Variants in RUNX1T1 observed in about 807,000 individuals in gnomAD.
RUNX1T1 encodes the protein protein CBFA2T1.
Under a neutral mutation model 62.8 loss-of-function variants are expected in RUNX1T1, and 4 were observed. The ratio of observed to expected loss-of-function variants is 0.06; its 90% CI spans 0.03 to 0.15. The LOEUF (loss-of-function observed/expected upper bound fraction) is 0.15, where lower values mean the gene tolerates loss of function less well. Ranked by LOEUF, RUNX1T1 falls within the 10% of genes least tolerant of loss-of-function variation. The pLI, the probability that RUNX1T1 is intolerant of heterozygous loss-of-function variation, is 1.00. For missense variants in RUNX1T1, 508 were observed against 754.3 expected, an observed-to-expected ratio of 0.67 and a Z score of 3.82; for synonymous variants, 291 against 286.0, an observed-to-expected ratio of 1.02 and a Z score of -0.18.
Position 92,058,111 on chromosome 8 carries a change from T to C in RUNX1T1, c.7+4435A>G, listed in dbSNP as rs577405812. Reference sequence around the variant, plus strand: ...GTATCTACCCCTCTGGGCTCCTGCATGATCTACTATGTTCAGGCCCTGTTT... The same window carrying C: ...GTATCTACCCCTCTGGGCTCCTGCACGATCTACTATGTTCAGGCCCTGTTT... On this transcript the variant is annotated intron_variant, in intron 1 of 10. Coordinates refer to ENST00000396218, the Ensembl canonical transcript of RUNX1T1. Among the ~76,000 whole-genome samples, 8 of 152,270 alleles carry C rather than the reference T, an allele frequency of 5.3e-5. No homozygotes were observed. The East Asian group carries it at 7.7e-4, about 15-fold the overall frequency.
At chr8:92,079,230 T>C (rs1834874494) in intron 1 of RUNX1T1, among the ~76,000 whole-genome samples, 1 of 152,234 alleles carries the variant, frequency 6.6e-6, no homozygotes, top group South Asian at 2.1e-4. Context: ...TCTTTTCTTT[T>C]CCTTCATAGA....
At chr8:92,102,451 A>G (rs1838083051), upstream of RUNX1T1, among the ~76,000 whole-genome samples, 1 of 152,020 alleles carries the variant, frequency 6.6e-6, no homozygotes, top group South Asian at 2.1e-4. The surrounding 1 kb of genome is among the most constrained non-coding windows in gnomAD (Gnocchi z 4.5). Context: ...AGGAAAAGAA[A>G]AAAACCCACG....
Position 91,986,333 on chromosome 8 carries a change from G to C in RUNX1T1, c.997-8C>G. On this transcript the variant is annotated splice_region_variant and splice_polypyrimidine_tract_variant and intron_variant, in intron 7 of 10. Coordinates refer to ENST00000396218, the Ensembl canonical transcript of RUNX1T1. ...CATTATGCAGTTTAACAGCTATTTG[G>C]GAAAGGGGAGAATAGGGAAGAGCAT... is the stretch of plus-strand genomic sequence containing the variant. 6.3e-7 allele frequency: 1 copy of C among 1,598,780 alleles called. No homozygotes were observed. Among genetic ancestry groups the C allele is most frequent in the Non-Finnish European group, 8.6e-7 (1 of 1,166,214 alleles).
chr8:92,050,086 GA>G (rs982985347), intron 1 of RUNX1T1, among the ~76,000 whole-genome samples: 2 of 149,150 alleles, frequency 1.3e-5, no homozygotes, highest in African/African-American at 4.9e-5. Flanking sequence ...ATGTCTTGAG[GA>G]AAAAAAAAGA....
At chr8:91,994,555 G>A (rs1351535125) in intron 5 of RUNX1T1, 11 of 493,080 alleles carry the variant, frequency 2.2e-5, no homozygotes, top group Non-Finnish European at 3.6e-5. Context: ...ATCTAGTCCT[G>A]GCTCTTCCAT....
At chr8:92,054,449 TTA>T (rs1383741072) in intron 1 of RUNX1T1, among the ~76,000 whole-genome samples, 1 of 152,124 alleles carries the variant, frequency 6.6e-6, no homozygotes. Flanking sequence ...ATAAAGAGGT[TTA>T]ATAACCTCTT....
chr8:91,993,924 G>A (rs1051701880), intron 5 of RUNX1T1, among the ~76,000 whole-genome samples: 1 of 152,042 alleles, frequency 6.6e-6, no homozygotes, highest in African/African-American at 2.4e-5. Flanking sequence ...CCCCAGAGGC[G>A]GAAGATGCAG....
chr8:91,957,132 A>T (rs1468696202), downstream of RUNX1T1: 1 of 215,796 alleles, frequency 4.6e-6, no homozygotes, highest in Non-Finnish European at 9.3e-6. Flanking sequence ...TCCAATGAAG[A>T]TAACTTTTTC....
chr8:92,072,879 A>T (rs1169075441), intron 2 of RUNX1T1, among the ~76,000 whole-genome samples: 1 of 152,254 alleles, frequency 6.6e-6, no homozygotes, highest in Admixed American at 6.5e-5. Context: ...GCACAGCATC[A>T]TCTATATCAG....
chr8:91,996,959 T>TAAA (rs1212340800), intron 5 of RUNX1T1, among the ~76,000 whole-genome samples: 1 of 135,454 alleles, frequency 7.4e-6, no homozygotes, highest in Non-Finnish European at 1.6e-5. Context: ...CCGTCTCTAC[T>TAAA]AAGAAAAAAA....
At chr8:92,013,487 G>A (rs1822378961) in intron 3 of RUNX1T1, among the ~76,000 whole-genome samples, 1 of 151,862 alleles carries the variant, frequency 6.6e-6, no homozygotes, top group Non-Finnish European at 1.5e-5. Context: ...AACACAACTG[G>A]TATGGCTTTG....
intron 1 of RUNX1T1, among the ~76,000 whole-genome samples, chr8:92,058,674 A>G (rs1831429040): frequency 6.6e-6 from 1 of 152,206 alleles, no homozygotes; most frequent in South Asian, 2.1e-4. Context: ...AGGTGCTCGC[A>G]AGATAAACCT....
intron 1 of RUNX1T1, among the ~76,000 whole-genome samples, chr8:92,027,035 G>T (rs1416621764): frequency 1.5e-5 from 2 of 135,532 alleles, no homozygotes; most frequent in Non-Finnish European, 3.1e-5. Context: ...AGAATGGCGT[G>T]AACCCGGGAG....
chr8:91,995,082 T>C (rs1411319570), intron 5 of RUNX1T1, among the ~76,000 whole-genome samples: 2 of 152,182 alleles, frequency 1.3e-5, no homozygotes, highest in African/African-American at 4.8e-5. Flanking sequence ...TATCCTCTTA[T>C]CTTAGGGCAG....
At chr8:91,987,307 C>A (rs75054289) in intron 6 of RUNX1T1, among the ~76,000 whole-genome samples, 3,525 of 152,178 alleles carry the variant, frequency 0.023, 127 homozygotes, top group African/African-American at 0.08. Context: ...ATACAAGAAA[C>A]CACAAGTAGA....
At chr8:91,960,517 T>C (rs1810194678) in exon 11 of RUNX1T1, 1 of 1,613,610 alleles carries the variant, frequency 6.2e-7, no homozygotes, top group South Asian at 1.1e-5. Flanking sequence ...TTCCAGCAAC[T>C]CTAAAGGAGA....
downstream of RUNX1T1, chr8:91,956,408 T>C (rs1809394255): frequency 4.4e-6 from 1 of 229,686 alleles, no homozygotes; most frequent in Non-Finnish European, 8.6e-6. Flanking sequence ...CTCTACAGAT[T>C]TGATTCAGCA....
At chr8:92,053,194 G>A (rs996566953) in intron 1 of RUNX1T1, among the ~76,000 whole-genome samples, 2 of 151,984 alleles carry the variant, frequency 1.3e-5, no homozygotes, top group African/African-American at 4.8e-5. Context: ...TCGCTCTAGA[G>A]TCTTTAAGAT....
At chr8:92,028,918 AT>A (rs1011165721) in intron 1 of RUNX1T1, among the ~76,000 whole-genome samples, 2 of 152,236 alleles carry the variant, frequency 1.3e-5, no homozygotes, top group African/African-American at 4.8e-5. Context: ...CAAACCTTTT[AT>A]CATCTAAAGA....
Sources: gnomAD v4.1 joint callset for allele counts (sites outside exome capture counted in the v4.1 genomes callset) on GRCh38, gnomAD v4.1.1 for gene constraint, Gnocchi (gnomAD v3.1) non-coding constraint, MANE v1.5 for transcripts, NCBI Gene and HGNC (gene_info 2026-07-23, HGNC 2026-07-21) for gene names.